Variants in SCHIP1 observed in about 807,000 individuals in gnomAD.
SCHIP1 encodes the protein schwannomin-interacting protein 1.
Under a neutral mutation model 29.7 loss-of-function variants are expected in SCHIP1, and 8 were observed. The observed-to-expected ratio is 0.27, with a 90% CI of 0.16 to 0.49. The LOEUF (loss-of-function observed/expected upper bound fraction) is 0.49, where lower values mean the gene tolerates loss of function less well. Ranked by LOEUF, SCHIP1 falls within the 20% of genes least tolerant of loss-of-function variation. The pLI, the probability that SCHIP1 is intolerant of heterozygous loss-of-function variation, is 0.99. For missense variants in SCHIP1, 193 were observed against 294.6 expected, an observed-to-expected ratio of 0.66 and a Z score of 2.52; for synonymous variants, 76 against 94.9, an observed-to-expected ratio of 0.80 and a Z score of 1.16.
chr3:159,295,535 G>T, the SCHIP1 span, among the ~76,000 whole-genome samples: 4 of 151,910 alleles, frequency 2.6e-5, no homozygotes, highest in Non-Finnish European at 4.4e-5. Context: ...TCTTCCTCAG[G>T]CTCCTTCATT....
chr3:159,828,389 ATATATACG>A, the SCHIP1 span, among the ~76,000 whole-genome samples: 10 of 25,966 alleles, frequency 3.9e-4, no homozygotes, highest in East Asian at 7.5e-3. Flanking sequence ...ATATATATAC[ATATATACG>A]TATATATATA....
chr3:159,726,421 C>G, the SCHIP1 span, among the ~76,000 whole-genome samples: 1 of 152,166 alleles, frequency 6.6e-6, no homozygotes, highest in Non-Finnish European at 1.5e-5. Flanking sequence ...CAGGCTGACA[C>G]GCCCTGCTTA....
chr3:159,624,808 T>C, the SCHIP1 span, among the ~76,000 whole-genome samples: 1 of 152,010 alleles, frequency 6.6e-6, no homozygotes, highest in East Asian at 1.9e-4. Context: ...AACGAAAAGG[T>C]TGTGAGTCAC....
At position 159,867,865 on chromosome 3, in the gene SCHIP1, T is replaced by C. The variant is rs187672735; in HGVS notation, c.149+1584T>C. Among the ~76,000 whole-genome samples the C allele has an allele frequency of 2.6e-5, 4 of 151,978 alleles. No individual in the cohort carries two copies. The East Asian group carries it at 7.7e-4, about 29-fold the overall frequency. The stretch of plus-strand genomic sequence containing the variant: ...CTTATAGATCTCTGCTACTGCTCTC[T>C]AATATTTCCCAGAGTGCCAAAATGT... On this transcript the variant is annotated intron_variant, in intron 2 of 6. Coordinates refer to ENST00000445224, the Ensembl canonical transcript of SCHIP1.
chr3:159,853,238 G>A (rs1037406100), intron 1 of SCHIP1: 7 of 511,026 alleles, frequency 1.4e-5, no homozygotes, highest in African/African-American at 9.9e-5. Context: ...AGTGGGGCAA[G>A]AACACACACG....
the SCHIP1 span, among the ~76,000 whole-genome samples, chr3:159,783,313 G>A: frequency 8.5e-5 from 13 of 152,350 alleles, no homozygotes; most frequent in East Asian, 9.7e-4. Flanking sequence ...ATTGACAGCT[G>A]AATGGAGACC....
At chr3:159,349,259 G>A in the SCHIP1 span, among the ~76,000 whole-genome samples, 172 of 152,254 alleles carry the variant, frequency 1.1e-3, 3 homozygotes, top group East Asian at 0.032. Context: ...CCCATGTCGT[G>A]CAAGCGATGT....
the SCHIP1 span, among the ~76,000 whole-genome samples, chr3:159,439,370 C>A: frequency 1.3e-5 from 2 of 152,144 alleles, no homozygotes; most frequent in South Asian, 2.1e-4. Flanking sequence ...CTTCAAAAGG[C>A]GGCAGGAAGG....
chr3:159,385,587 AAC>A, the SCHIP1 span, among the ~76,000 whole-genome samples: 4 of 63,968 alleles, frequency 6.3e-5, no homozygotes, highest in Admixed American at 1.5e-4. Flanking sequence ...AAAAAAAAAA[AAC>A]CAAAAAAAAA....
chr3:159,497,482 T>G, the SCHIP1 span, among the ~76,000 whole-genome samples: 1 of 151,992 alleles, frequency 6.6e-6, no homozygotes, highest in Non-Finnish European at 1.5e-5. Flanking sequence ...CCCCCAAGTA[T>G]GTATTATTAT....
At chr3:159,518,642 T>G in the SCHIP1 span, among the ~76,000 whole-genome samples, 1 of 152,066 alleles carries the variant, frequency 6.6e-6, no homozygotes, top group Non-Finnish European at 1.5e-5. Flanking sequence ...GTGTTAAACA[T>G]AAAATACTGA....
At chr3:159,827,376 T>G in the SCHIP1 span, among the ~76,000 whole-genome samples, 1 of 152,208 alleles carries the variant, frequency 6.6e-6, no homozygotes, top group Middle Eastern at 3.2e-3. Context: ...CTTGACAAAT[T>G]TAATAGCTCC....
At chr3:159,423,733 C>G in the SCHIP1 span, among the ~76,000 whole-genome samples, 2 of 152,184 alleles carry the variant, frequency 1.3e-5, no homozygotes, top group South Asian at 2.1e-4. Flanking sequence ...AGCTGGAGAT[C>G]TGAGAACGGG....
At chr3:159,429,937 G>GAGGAAGC in the SCHIP1 span, among the ~76,000 whole-genome samples, 1 of 152,160 alleles carries the variant, frequency 6.6e-6, no homozygotes, top group Non-Finnish European at 1.5e-5. Context: ...GATAGCTCCT[G>GAGGAAGC]AGGAAGCTGT....
the SCHIP1 span, among the ~76,000 whole-genome samples, chr3:159,337,033 G>T: frequency 6.6e-6 from 1 of 152,042 alleles, no homozygotes; most frequent in South Asian, 2.1e-4. Context: ...CAGATGCAAG[G>T]CTGGTTCAAC....
chr3:159,727,062 A>G, the SCHIP1 span, among the ~76,000 whole-genome samples: 1 of 152,214 alleles, frequency 6.6e-6, no homozygotes, highest in African/African-American at 2.4e-5. Flanking sequence ...TCTATGAACT[A>G]ATGTCATTAA....
chr3:159,736,884 G>A, the SCHIP1 span, among the ~76,000 whole-genome samples: 4 of 152,166 alleles, frequency 2.6e-5, no homozygotes, highest in East Asian at 7.8e-4. Context: ...ACAGGCACCC[G>A]CCACCACGCC....
the SCHIP1 span, among the ~76,000 whole-genome samples, chr3:159,613,651 T>C: frequency 2.0e-5 from 3 of 152,172 alleles, no homozygotes; most frequent in Non-Finnish European, 4.4e-5. Context: ...AAAGCCACTG[T>C]TGTGCAGCAA....
the SCHIP1 span, among the ~76,000 whole-genome samples, chr3:159,275,428 C>T: frequency 6.6e-6 from 1 of 151,994 alleles, no homozygotes; most frequent in Non-Finnish European, 1.5e-5. Flanking sequence ...ACATTCTAAT[C>T]CAGAAGAATC....
Sources: gnomAD v4.1 joint callset for allele counts (sites outside exome capture counted in the v4.1 genomes callset) on GRCh38, gnomAD v4.1.1 for gene constraint, MANE v1.5 for transcripts, NCBI Gene and HGNC (gene_info 2026-07-23, HGNC 2026-07-21) for gene names.